Variants in ST14 observed in about 807,000 individuals in gnomAD.
The protein encoded by ST14 is ST14 transmembrane serine protease matriptase, also known as suppressor of tumorigenicity 14 protein.
A neutral mutation model predicts 96.5 loss-of-function variants in ST14; 40 were observed. That is an observed-to-expected ratio of 0.41 (90% confidence interval 0.32 to 0.54). The LOEUF (loss-of-function observed/expected upper bound fraction) is 0.54. Ranked by LOEUF, ST14 falls within the 20% of genes least tolerant of loss-of-function variation. The pLI is 0.17. For missense variants in ST14, 1,066 were observed against 1,188.9 expected (o/e 0.90, Z 1.52); for synonymous variants, 506 against 492.1 (o/e 1.03, Z -0.37).
chr11:130,169,181 G>A (rs146656884), intron 1 of ST14, among the ~76,000 whole-genome samples: 51 of 135,652 alleles, frequency 3.8e-4, no homozygotes, highest in African/African-American at 1.4e-3. Flanking sequence ...TGCAACCTCC[G>A]CCTCCCTGGT....
chr11:130,206,567 C>CTTT lies in ST14; in HGVS notation c.1995-1834_1995-1832dup, dbSNP rs57270082. On this transcript the variant is annotated intron_variant, in intron 16 of 18. Coordinates refer to ENST00000278742, the MANE Select transcript of ST14 (RefSeq NM_021978.4). ...TTTCTTTCTCTTTCTCTTTTCTTTT[C>CTTT]TTTTTTTTTTTCTTTTTTGAGGTGG... Among the ~76,000 whole-genome samples the CTTT allele has an allele frequency of 8.7e-3, 1,245 of 143,186 alleles. 12 individuals are homozygous for CTTT. The highest frequency in any genetic ancestry group is 0.018 in the Middle Eastern group (5 of 280). 93.9% of individuals were successfully genotyped at this position (143,186 alleles called of 152,430 possible).
rs1953536002 is a variant in ST14 at position 130,210,031 on chromosome 11, A to T, written c.*208A>T. On this transcript the variant is annotated 3_prime_UTR_variant, in exon 19 of 19. Coordinates refer to ENST00000278742, the MANE Select transcript of ST14 (RefSeq NM_021978.4). The stretch of plus-strand genomic sequence containing the variant: ...TGGAGCTGGGAGGTAGAAGGGGAGG[A>T]CACTGGTGGTTCTACTGACCCAACT... 1.5e-6 allele frequency: 1 copy of T among 651,238 alleles called. No individual in the cohort carries two copies. Among genetic ancestry groups the T allele is most frequent in the Middle Eastern group, 4.3e-4 (1 of 2,332 alleles). The allele number at this position is 651,238 out of a possible 1,614,324, so 40.3% of individuals were successfully genotyped here.
intron 1 of ST14, among the ~76,000 whole-genome samples, chr11:130,161,025 C>G (rs1410552700): frequency 6.6e-6 from 1 of 152,206 alleles, no homozygotes; most frequent in East Asian, 1.9e-4. Context: ...CCGGGTGCCC[C>G]TGGGCTCCAT....
chr11:130,160,980 C>T (rs938678288), intron 1 of ST14, among the ~76,000 whole-genome samples: 12 of 152,178 alleles, frequency 7.9e-5, no homozygotes, highest in Non-Finnish European at 1.0e-4. Flanking sequence ...ATGATGGCCT[C>T]CCTGCCCTGC....
rs1040429673 is a variant in ST14 at position 130,187,472 on chromosome 11, C to T, written c.82-642C>T. Among the ~76,000 whole-genome samples, 1 of 152,178 alleles carries T rather than the reference C, an allele frequency of 6.6e-6. No homozygotes were observed. The highest frequency in any genetic ancestry group is 1.5e-5 in the Non-Finnish European group (1 of 68,028). ...TTCCCACAGTGGGCCTCTCACTGTG[C>T]CTTGAGGTCCTGGACTGGGGCTCCC... is the stretch of plus-strand genomic sequence containing the variant. On this transcript the variant is annotated intron_variant, in intron 1 of 18. Coordinates refer to ENST00000278742, the MANE Select transcript of ST14 (RefSeq NM_021978.4). This position sits in a 1 kb window ranked among gnomAD's most constrained non-coding sequence, Gnocchi z 4.5.
chr11:130,164,718 CTTATTA>C (rs57338069), intron 1 of ST14, among the ~76,000 whole-genome samples: 4,021 of 141,564 alleles, frequency 0.028, 153 homozygotes, highest in African/African-American at 0.1. Context: ...CACACCCAGC[CTTATTA>C]TTATTATTAT....
chr11:130,188,338 G>A lies in ST14; in HGVS notation c.241+65G>A, dbSNP rs538903644. ...GGGTGGCTGTCCCTCTTCCCTCAGC[G>A]GACAGACCCAGGGCCACCTACTGAG... is the stretch of plus-strand genomic sequence containing the variant. On this transcript the variant is annotated intron_variant, in intron 2 of 18. Transcript: ENST00000278742. The surrounding 1 kb of genome is among the most constrained non-coding windows in gnomAD (Gnocchi z 5.4). The A allele has an allele frequency of 1.7e-4, 267 of 1,588,832 alleles. 1 individual carries two copies. Among genetic ancestry groups the A allele is most frequent in the South Asian group, 5.3e-4 (46 of 86,350 alleles).
At chr11:130,194,471 C>T (rs983738000) in intron 8 of ST14, among the ~76,000 whole-genome samples, 169 bp from the exon 9 acceptor site, 1 of 152,200 alleles carries the variant, frequency 6.6e-6, no homozygotes, top group Non-Finnish European at 1.5e-5. Flanking sequence ...GGGTCAGGAG[C>T]CCTCCTGAAG....
chr11:130,204,019 G>A lies in ST14; in HGVS notation c.1994+3882G>A, dbSNP rs184113967. ...TCAGGCCATAGGTGGCCAGGCCTAC[G>A]TGATGTCGAGGCTTGGTTCATAACT... On this transcript the variant is annotated intron_variant, in intron 16 of 18. Transcript: ENST00000278742. Among the ~76,000 whole-genome samples, 772 of 152,286 alleles carry A rather than the reference G, an allele frequency of 5.1e-3. 4 individuals are homozygous for A. Among genetic ancestry groups the A allele is most frequent in the Non-Finnish European group, 8.7e-3 (591 of 68,028 alleles).
At chr11:130,203,547 C>T (rs941508944) in intron 16 of ST14, among the ~76,000 whole-genome samples, 3 of 152,262 alleles carry the variant, frequency 2.0e-5, no homozygotes, top group Non-Finnish European at 2.9e-5. Flanking sequence ...ACGACCGACA[C>T]GGCCACGTTA....
Position 130,186,616 on chromosome 11 carries a change from A to G in ST14, c.82-1498A>G, listed in dbSNP as rs772763623. On this transcript the variant is annotated intron_variant, in intron 1 of 18. Coordinates refer to ENST00000278742, the MANE Select transcript of ST14 (RefSeq NM_021978.4). ...AATTCACAGCAGGAAAAACAAAGAC[A>G]TATACAAAGAAAGGAAATATAATAG... Among the ~76,000 whole-genome samples, 10 of 152,246 alleles carry G rather than the reference A, an allele frequency of 6.6e-5. 1 individual carries two copies. Among genetic ancestry groups the G allele is most frequent in the South Asian group, 4.1e-4 (2 of 4,830 alleles).
At chr11:130,196,517 GC>G (rs1565626274) in intron 10 of ST14, 52 bp from the exon 11 acceptor site, 2 of 1,550,630 alleles carry the variant, frequency 1.3e-6, no homozygotes, top group East Asian at 2.3e-5. Context: ...CAGACCCCCA[GC>G]CCCCCGGCTC....
intron 11 of ST14, among the ~76,000 whole-genome samples, chr11:130,197,184 T>C (rs954226298): frequency 6.6e-6 from 1 of 152,214 alleles, no homozygotes; most frequent in South Asian, 2.1e-4. Context: ...GACATTTAAC[T>C]ATGCTTAGGA....
rs775632151 is a variant in ST14 at position 130,209,480 on chromosome 11, G to C, written c.2308G>C (p.Val770Leu). ...ALILQKGEIR[V>L]INQTTCENLL... ...GATCCTGCAAAAGGGTGAGATCCGC[G>C]TCATCAACCAGACCACCTGCGAGAA... The change falls in exon 18 of 19, where the codon GTC (valine) becomes CTC (leucine). Residue 770 changes from valine (V) to leucine (L), a missense_variant. By Grantham distance (32) the Val-to-Leu change is conservative (BLOSUM62 1). Transcript: ENST00000278742. 1.3e-6 allele frequency: 2 copies of C among 1,586,502 alleles called. No individual in the cohort carries two copies. Among genetic ancestry groups the C allele is most frequent in the Non-Finnish European group, 1.7e-6 (2 of 1,166,672 alleles).
chr11:130,208,887 C>T (rs1201397166), intron 17 of ST14, among the ~76,000 whole-genome samples: 1 of 152,184 alleles, frequency 6.6e-6, no homozygotes, highest in Non-Finnish European at 1.5e-5. Flanking sequence ...TGAAGGTTGG[C>T]TTTGCCCCTA....
In ST14 at chr11:130,189,478, GT is replaced by G. The variant is rs1339765181; in HGVS notation, c.441-258del. The G allele has an allele frequency of 1.1e-5, 6 of 561,038 alleles. No individual in the cohort carries two copies. In the East Asian group the frequency reaches 1.5e-4, roughly 14 times the overall value. The allele number at this position is 561,038 out of a possible 1,614,324, so 34.8% of individuals were successfully genotyped here. ...CTCGCTTGTGGCCAAACTCCAATGG[GT>G]TTCCCCTCCTCATTCCTACCCCTGA... On this transcript the variant is annotated intron_variant, in intron 4 of 18. Transcript: ENST00000278742.
At chr11:130,190,398 C>A in intron 6 of ST14, 56 bp from the exon 7 acceptor site, 1 of 1,600,554 alleles carries the variant, frequency 6.2e-7, no homozygotes, top group South Asian at 1.1e-5. Context: ...AGGGTCCTCC[C>A]CCAGCTCTGC....
At chr11:130,190,926 A>T (rs1320341256) in intron 7 of ST14, among the ~76,000 whole-genome samples, 5 of 152,254 alleles carry the variant, frequency 3.3e-5, no homozygotes, top group Non-Finnish European at 7.3e-5. Context: ...TAGTCCCCAG[A>T]TACCAAATCC....
chr11:130,208,945 G>A (rs1430678481), intron 17 of ST14, among the ~76,000 whole-genome samples: 1 of 152,190 alleles, frequency 6.6e-6, no homozygotes, highest in East Asian at 1.9e-4. Flanking sequence ...GATCCTGTTT[G>A]TGCATGCGCG....
Sources: allele counts gnomAD v4.1 joint callset (sites outside exome capture counted in the v4.1 genomes callset), GRCh38; gene constraint gnomAD v4.1.1; non-coding constraint Gnocchi (gnomAD v3.1); transcripts MANE v1.5; gene names NCBI Gene and HGNC (gene_info 2026-07-23, HGNC 2026-07-21).